MAP2: variants seen among roughly 807,000 people sequenced by gnomAD.
The protein encoded by MAP2 is microtubule-associated protein 2.
Under a neutral mutation model 137.6 loss-of-function variants are expected in MAP2, and 14 were observed. That is an observed-to-expected ratio of 0.10 (90% CI 0.07 to 0.16). The LOEUF is 0.16. Among genes scored for constraint, MAP2 ranks in the 10% least tolerant of loss-of-function variants. MAP2 has a pLI of 1.00. For missense variants in MAP2, 2,088 were observed against 2,191.5 expected (o/e 0.95, Z 0.94); for synonymous variants, 786 against 782.3 (o/e 1.00, Z -0.08).
intron 2 of MAP2, among the ~76,000 whole-genome samples, chr2:209,571,297 C>A (rs2074355985): frequency 6.6e-6 from 1 of 151,874 alleles, no homozygotes; most frequent in African/African-American, 2.4e-5. Flanking sequence ...GCCCTCTACC[C>A]CATGTCACTG....
chr2:209,517,714 AGT>A (rs1268762700), intron 2 of MAP2, among the ~76,000 whole-genome samples: 1 of 152,046 alleles, frequency 6.6e-6, no homozygotes, highest in Non-Finnish European at 1.5e-5. Context: ...TAGAAATCCT[AGT>A]CATTAGCTAA....
At position 209,711,325 on chromosome 2, in the gene MAP2, A is replaced by G. The variant is rs1167937995; in HGVS notation, c.5073+1071A>G. Among the ~76,000 whole-genome samples the G allele has an allele frequency of 1.3e-5, 2 of 152,136 alleles. 1 individual carries two copies. The highest frequency in any genetic ancestry group is 2.9e-5 in the Non-Finnish European group (2 of 68,016). ...AAAGATCTTGCCAAAATGTAAAGCT[A>G]TCAGGCACTCCTACTCACCAATGAA... On this transcript the variant is annotated intron_variant, in intron 13 of 15. Transcript: ENST00000682079.
chr2:209,690,839 G>A, intron 7 of MAP2: 2 of 1,280,042 alleles, frequency 1.6e-6, no homozygotes, highest in Non-Finnish European at 2.0e-6. Flanking sequence ...CCCTTCCTCT[G>A]CTGGGGAAGG....
At chr2:209,596,775 G>A (rs1453747155) in intron 3 of MAP2, among the ~76,000 whole-genome samples, 1 of 152,154 alleles carries the variant, frequency 6.6e-6, no homozygotes, top group African/African-American at 2.4e-5. Context: ...AACTCAAAGC[G>A]AGTTCATTTT....
Position 209,694,103 on chromosome 2 carries a change from C to G in MAP2, c.1933C>G (p.Pro645Ala), listed in dbSNP as rs1023594822. Residue 645 changes from proline to alanine, a missense_variant, in exon 8 of 16, where the codon CCA (proline) becomes GCA (alanine). Physicochemically the swap from Pro to Ala is conservative, Grantham distance 27 (BLOSUM62 -1). This residue lies in a region of MAP2 where 859 missense variants were observed against 794.5 expected (regional missense o/e 1.08). Coordinates refer to ENST00000682079, the MANE Select transcript of MAP2 (RefSeq NM_001375505.1). The part of the protein sequence containing the change: ...AGYSTLAQSY[P>A]SDLPEEPSSP... ...GTACAGCACTCTCGCACAGAGTTAT[C>G]CATCAGATTTACCTGAAGAACCCAG... 2 of 1,613,714 alleles carry G rather than the reference C, an allele frequency of 1.2e-6. No individual in the cohort carries two copies. Among genetic ancestry groups the G allele is most frequent in the Non-Finnish European group, 1.7e-6 (2 of 1,179,918 alleles).
At chr2:209,618,240 G>A (rs527832343) in intron 3 of MAP2, among the ~76,000 whole-genome samples, 1 of 152,126 alleles carries the variant, frequency 6.6e-6, no homozygotes, top group South Asian at 2.1e-4. Context: ...AGAGAAAGAA[G>A]AGGACCTTGC....
In MAP2 at chr2:209,695,222, G is replaced by A. The variant is rs150454433; in HGVS notation, c.3052G>A (p.Gly1018Ser). 21 of 1,614,068 alleles carry A rather than the reference G, an allele frequency of 1.3e-5. No individual in the cohort carries two copies. The African/African-American group carries it at 2.8e-4, about 22-fold the overall frequency. ...TDASSEKAEKGLSSVPEIAEV... is the reference protein window; with the variant it reads ...TDASSEKAEKSLSSVPEIAEV... ...TGCATCCTCTGAGAAAGCAGAGAAG[G>A]GTCTTAGTTCAGTGCCAGAGATAGC... Residue 1018 changes from glycine (G) to serine (S), a missense_variant, in exon 8 of 16, where the codon GGT (glycine) becomes AGT (serine). By Grantham distance (56) the Gly-to-Ser change is moderately conservative. This residue lies in a region of MAP2 where 500 missense variants were observed against 482.9 expected (regional missense o/e 1.04). Coordinates refer to ENST00000682079, the MANE Select transcript of MAP2 (RefSeq NM_001375505.1).
chr2:209,695,138 T>A lies in MAP2; in HGVS notation c.2968T>A (p.Phe990Ile). The A allele has an allele frequency of 6.2e-7, 1 of 1,613,986 alleles. No homozygotes were observed. Among genetic ancestry groups the A allele is most frequent in the South Asian group, 1.1e-5 (1 of 91,072 alleles). ...TEEAGDEIET[F>I]GLGVTYEQAL... ...AGAGGCTGGTGATGAAATAGAAACATTCGGATTAGGAGTAACCTATGAGCA... is the reference window on the plus strand; with the variant it reads ...AGAGGCTGGTGATGAAATAGAAACAATCGGATTAGGAGTAACCTATGAGCA... The change falls in exon 8 of 16, where the codon TTC becomes ATC. Residue 990 changes from phenylalanine (F) to isoleucine (I), a missense_variant. Physicochemically the swap from Phe to Ile is conservative, Grantham distance 21. Around this residue, in one of 6 missense-constraint regions of MAP2, gnomAD observed 500 missense variants for 482.9 expected, o/e 1.04. Transcript: ENST00000682079.
At chr2:209,661,118 T>C (rs2043404589) in intron 5 of MAP2, among the ~76,000 whole-genome samples, 1 of 152,150 alleles carries the variant, frequency 6.6e-6, no homozygotes, top group African/African-American at 2.4e-5. Flanking sequence ...AAGCTGCATA[T>C]GCCTTTAAAT....
chr2:209,722,891 T>C (rs576514632), intron 13 of MAP2, among the ~76,000 whole-genome samples: 6 of 152,298 alleles, frequency 3.9e-5, no homozygotes, highest in Admixed American at 1.3e-4. Context: ...GGGTTTTCTT[T>C]CCTCTAAAAA....
intron 2 of MAP2, among the ~76,000 whole-genome samples, chr2:209,538,336 A>G (rs896251439): frequency 1.3e-5 from 2 of 152,174 alleles, no homozygotes; most frequent in African/African-American, 4.8e-5. Context: ...TTTTAAGGTT[A>G]AAAGAGTTAG....
At chr2:209,459,269 A>C (rs961515330) in intron 1 of MAP2, among the ~76,000 whole-genome samples, 1 of 152,164 alleles carries the variant, frequency 6.6e-6, no homozygotes, top group African/African-American at 2.4e-5. Context: ...AATGCCATTC[A>C]TATAGTTTTG....
chr2:209,712,489 A>C (rs2065840986), intron 13 of MAP2, among the ~76,000 whole-genome samples: 1 of 152,172 alleles, frequency 6.6e-6, no homozygotes, highest in Non-Finnish European at 1.5e-5. Flanking sequence ...AATCCACAAC[A>C]GTGGAGTTAT....
rs144311043 is a variant in MAP2, at chr2:209,668,583, T to C, written c.263-9989T>C. On this transcript the variant is annotated intron_variant, in intron 5 of 15. Coordinates refer to ENST00000682079, the MANE Select transcript of MAP2 (RefSeq NM_001375505.1). ...ACATGAAGAAATTTTAAAATTCTAT[T>C]AAAGTCTTTGCTTTTTACTGTCATA... Among the ~76,000 whole-genome samples the C allele has an allele frequency of 1.6e-3, 245 of 152,204 alleles. 2 individuals are homozygous for C. The highest frequency in any genetic ancestry group is 0.015 in the Admixed American group (226 of 15,270).
chr2:209,542,184 G>A (rs1027170809), intron 2 of MAP2, among the ~76,000 whole-genome samples: 28 of 152,188 alleles, frequency 1.8e-4, no homozygotes, highest in African/African-American at 6.8e-4. Flanking sequence ...AGAGCTTTTG[G>A]GTGACCAGGT....
rs1307112812 is a variant in MAP2 at position 209,695,146 on chromosome 2, A to G, written c.2976A>G (p.Leu992=). ...GTGATGAAATAGAAACATTCGGATT[A>G]GGAGTAACCTATGAGCAAGCTTTGG... ...EAGDEIETFG[L]GVTYEQALAK... is the part of the protein sequence containing the mutation. Residue 992 remains leucine (L), a synonymous_variant, in exon 8 of 16, where the codon TTA becomes TTG. Coordinates refer to ENST00000682079, the MANE Select transcript of MAP2 (RefSeq NM_001375505.1). 15 of 1,614,118 alleles carry G rather than the reference A, an allele frequency of 9.3e-6. No homozygotes were observed. The highest frequency in any genetic ancestry group is 2.7e-5 in the African/African-American group (2 of 74,950).
chr2:209,444,974 T>G (rs1389770944), intron 1 of MAP2, among the ~76,000 whole-genome samples: 1 of 151,182 alleles, frequency 6.6e-6, no homozygotes, highest in African/African-American at 2.4e-5. Flanking sequence ...ACAGACATGG[T>G]TTTTTTTGTT....
chr2:209,665,863 C>A (rs1246358286), intron 5 of MAP2, among the ~76,000 whole-genome samples: 1 of 151,924 alleles, frequency 6.6e-6, no homozygotes, highest in African/African-American at 2.4e-5. Context: ...ATTTTCTTTT[C>A]CTTTGACATA....
chr2:209,719,251 G>A (rs1000385986), intron 13 of MAP2, among the ~76,000 whole-genome samples: 1 of 152,102 alleles, frequency 6.6e-6, no homozygotes, highest in Non-Finnish European at 1.5e-5. Context: ...ACCTAGGTTC[G>A]TACCTAATGG....
Sources: gnomAD v4.1 joint callset for allele counts (sites outside exome capture counted in the v4.1 genomes callset) on GRCh38, gnomAD v4.1.1 for gene constraint, gnomAD v4.1.1 regional missense constraint, MANE v1.5 for transcripts, NCBI Gene and HGNC (gene_info 2026-07-23, HGNC 2026-07-21) for gene names.